Variants in PPARGC1B observed in about 807,000 individuals in gnomAD.
The protein encoded by PPARGC1B is PPARG coactivator 1 beta.
PPARGC1B carries 34 observed loss-of-function variants against 101.6 expected under a neutral mutation model. The ratio of observed to expected loss-of-function variants is 0.33; its 90% CI spans 0.25 to 0.45. The LOEUF is 0.45. Ranked by LOEUF, PPARGC1B falls within the 20% of genes least tolerant of loss-of-function variation. The pLI, the probability that PPARGC1B is intolerant of heterozygous loss-of-function variation, is 1.00. For missense variants in PPARGC1B, 1,234 were observed against 1,317.6 expected (o/e 0.94, Z 0.98); for synonymous variants, 548 against 539.3 (o/e 1.02, Z -0.22).
intron 3 of PPARGC1B, among the ~76,000 whole-genome samples, chr5:149,827,601 T>G (rs577048170): frequency 4.6e-5 from 7 of 152,348 alleles, no homozygotes; most frequent in African/African-American, 1.7e-4. Context: ...TTCTTAAAAA[T>G]GAAATTCCTG....
chr5:149,735,267 A>G (rs1280756100), intron 1 of PPARGC1B, among the ~76,000 whole-genome samples: 1 of 152,162 alleles, frequency 6.6e-6, no homozygotes, highest in Non-Finnish European at 1.5e-5. Context: ...AGGAAGGGCA[A>G]TGGCCCAGCA....
At chr5:149,787,553 G>T (rs1242532994) in intron 1 of PPARGC1B, among the ~76,000 whole-genome samples, 2 of 152,222 alleles carry the variant, frequency 1.3e-5, no homozygotes, top group African/African-American at 4.8e-5. Flanking sequence ...TGTAAAATTA[G>T]CTGAGAACAT....
chr5:149,812,526 G>A (rs1014483635), intron 1 of PPARGC1B, among the ~76,000 whole-genome samples: 2 of 152,194 alleles, frequency 1.3e-5, no homozygotes, highest in East Asian at 1.9e-4. Flanking sequence ...GAGAGGGAAC[G>A]TATTCACTCC....
intron 1 of PPARGC1B, among the ~76,000 whole-genome samples, chr5:149,782,665 G>A (rs542536733): frequency 2.8e-4 from 43 of 152,244 alleles, no homozygotes; most frequent in Non-Finnish European, 4.8e-4. Context: ...GGGAGGGGAG[G>A]CTGGGTAGGG....
chr5:149,733,454 T>C (rs1754578957), intron 1 of PPARGC1B, among the ~76,000 whole-genome samples: 1 of 152,206 alleles, frequency 6.6e-6, no homozygotes, highest in East Asian at 1.9e-4. Flanking sequence ...CTGCTTTCTC[T>C]CCTTTGGTTT....
At chr5:149,842,458 C>A in intron 10 of PPARGC1B, 81 bp downstream of exon 10, 1 of 1,559,698 alleles carries the variant, frequency 6.4e-7, no homozygotes, top group Non-Finnish European at 8.8e-7. Flanking sequence ...CCAGAAGATG[C>A]CCAAGATTTG....
chr5:149,736,886 A>G (rs1004407953), intron 1 of PPARGC1B, among the ~76,000 whole-genome samples: 10 of 151,946 alleles, frequency 6.6e-5, no homozygotes, highest in African/African-American at 2.2e-4. Context: ...ATTCCCCACC[A>G]GAGTTGTAGA....
downstream of PPARGC1B, among the ~76,000 whole-genome samples, chr5:149,857,690 G>A (rs1292925054): frequency 6.6e-6 from 1 of 152,210 alleles, no homozygotes; most frequent in Non-Finnish European, 1.5e-5. Context: ...GATCTACTGT[G>A]GAGGCCACCA....
At chr5:149,755,687 A>G (rs1418269585) in intron 1 of PPARGC1B, among the ~76,000 whole-genome samples, 2 of 149,606 alleles carry the variant, frequency 1.3e-5, no homozygotes, top group African/African-American at 4.9e-5. Context: ...CTTGTTGCCC[A>G]GGCTGGAGTA....
Position 149,802,836 on chromosome 5 carries a change from T to A in PPARGC1B, c.79-17597T>A, listed in dbSNP as rs145206805. On this transcript the variant is annotated intron_variant, in intron 1 of 11. Transcript: ENST00000309241. ...AAAATGCAGATTCTGATTCAGGAGG[T>A]CTGGGATGAGTGTGAAGGGCTGCGG... is the stretch of plus-strand genomic sequence containing the variant. 1.4e-3 allele frequency among the ~76,000 whole-genome samples: 211 copies of A among 152,082 alleles called. 1 individual carries two copies. The highest frequency in any genetic ancestry group is 4.9e-3 in the African/African-American group (205 of 41,464).
chr5:149,738,264 G>A (rs189520313), intron 1 of PPARGC1B, among the ~76,000 whole-genome samples: 105 of 152,118 alleles, frequency 6.9e-4, no homozygotes, highest in African/African-American at 2.4e-3. Context: ...TGAATGATTA[G>A]GAAATCACTC....
chr5:149,807,056 A>G (rs888851), intron 1 of PPARGC1B, among the ~76,000 whole-genome samples: 67,512 of 150,764 alleles, frequency 0.45, 15,445 homozygotes, highest in South Asian at 0.59. Context: ...ACTTCCTGGG[A>G]TCAGGTGATC....
In PPARGC1B at chr5:149,740,454, GTTC is replaced by G. The variant is rs577556987; in HGVS notation, c.78+10040_78+10042del. On this transcript the variant is annotated intron_variant, in intron 1 of 11. Transcript: ENST00000309241. ...TCCTTGATCTAGTCGAGGCCCTGAG[GTTC>G]TTCTTGCAGAGTGTTTTTTCCTCTC... Among the ~76,000 whole-genome samples the G allele has an allele frequency of 7.0e-4, 106 of 152,292 alleles. 1 individual carries two copies. The highest frequency in any genetic ancestry group is 2.2e-3 in the African/African-American group (92 of 41,566).
At chr5:149,757,348 A>T (rs113035377) in intron 1 of PPARGC1B, among the ~76,000 whole-genome samples, 8 of 148,802 alleles carry the variant, frequency 5.4e-5, no homozygotes, top group Admixed American at 3.4e-4. Context: ...GTGTTTGAGC[A>T]TTTTTTTTTT....
intron 10 of PPARGC1B, 43 bp from the exon 11 acceptor site, chr5:149,845,717 C>T: frequency 3.2e-6 from 5 of 1,552,096 alleles, no homozygotes; most frequent in Non-Finnish European, 4.4e-6. Context: ...CAGTGTCCAC[C>T]CAGCCAGCCC....
At chr5:149,743,224 C>G (rs547700046) in intron 1 of PPARGC1B, among the ~76,000 whole-genome samples, 1 of 146,854 alleles carries the variant, frequency 6.8e-6, no homozygotes, top group Non-Finnish European at 1.5e-5. Context: ...GGTGTGATCT[C>G]GGCTCACTGC....
intron 1 of PPARGC1B, among the ~76,000 whole-genome samples, chr5:149,755,845 T>C (rs1259395166): frequency 6.6e-6 from 1 of 152,040 alleles, no homozygotes; most frequent in Non-Finnish European, 1.5e-5. Flanking sequence ...GGTTTCACCA[T>C]GTTGGGCAGG....
At chr5:149,802,327 G>A (rs1048847369) in intron 1 of PPARGC1B, among the ~76,000 whole-genome samples, 1 of 152,188 alleles carries the variant, frequency 6.6e-6, no homozygotes, top group Non-Finnish European at 1.5e-5. Context: ...TGCGACGTGA[G>A]CTGAACCGGT....
At chr5:149,772,803 A>G (rs1389433505) in intron 1 of PPARGC1B, among the ~76,000 whole-genome samples, 1 of 152,070 alleles carries the variant, frequency 6.6e-6, no homozygotes, top group Non-Finnish European at 1.5e-5. Context: ...CTCAGCCTCT[A>G]ACAATTGTGT....
Sources: gnomAD v4.1 joint callset for allele counts (sites outside exome capture counted in the v4.1 genomes callset) on GRCh38, gnomAD v4.1.1 for gene constraint, MANE v1.5 for transcripts, NCBI Gene and HGNC (gene_info 2026-07-23, HGNC 2026-07-21) for gene names.